HOOK2: variants seen among roughly 807,000 people sequenced by gnomAD.
The protein encoded by HOOK2 is hook microtubule tethering protein 2, also known as protein Hook homolog 2.
In HOOK2, 108 loss-of-function variants were observed where a neutral mutation model predicts 111.9. The ratio of observed to expected loss-of-function variants is 0.96; its 90% confidence interval spans 0.83 to 1.13. The LOEUF (loss-of-function observed/expected upper bound fraction) is 1.13, where lower values mean the gene tolerates loss of function less well. Among genes scored for constraint, HOOK2 ranks in the 50% most tolerant of loss-of-function variants. HOOK2 has a pLI of 0.00. For missense variants in HOOK2, 978 were observed against 951.3 expected (o/e 1.03, Z -0.37); for synonymous variants, 405 against 394.3 (o/e 1.03, Z -0.32).
chr19:12,767,917 G>C lies in HOOK2; in HGVS notation c.1216-14C>G. Reference sequence around the variant, plus strand: ...CGCCAACAGCCGCTGCAGGGACAGGGTACAAGACACTCCACGGGTCAGGCT... The same window carrying C: ...CGCCAACAGCCGCTGCAGGGACAGGCTACAAGACACTCCACGGGTCAGGCT... On this transcript the variant is annotated splice_polypyrimidine_tract_variant and intron_variant, in intron 12 of 22. Coordinates refer to ENST00000397668, the MANE Select transcript of HOOK2 (RefSeq NM_013312.3). The C allele has an allele frequency of 1.2e-6, 2 of 1,611,474 alleles. No homozygotes were observed. Among genetic ancestry groups the C allele is most frequent in the Non-Finnish European group, 1.7e-6 (2 of 1,179,056 alleles).
At position 12,774,854 on chromosome 19, in the gene HOOK2, T is replaced by C; in HGVS notation, c.89A>G (p.Asp30Gly). ...GGCTACGGCAAGGCCGCTGCTCAGG[T>C]CCTGAGGGCTGGCACAGGGAGACGG... ...HVPSPCASPQDLSSGLAVAYV... is the reference protein window; with the variant it reads ...HVPSPCASPQGLSSGLAVAYV... Residue 30 changes from aspartate (D) to glycine (G), a missense_variant, in exon 2 of 23, where the codon GAC becomes GGC. Asp to Gly is a moderately conservative substitution (Grantham distance 94). Around this residue, in one of 5 missense-constraint regions of HOOK2, gnomAD observed 301 missense variants for 286.1 expected, o/e 1.05. Coordinates refer to ENST00000397668, the MANE Select transcript of HOOK2 (RefSeq NM_013312.3). The C allele has an allele frequency of 6.2e-7, 1 of 1,614,202 alleles. No individual in the cohort carries two copies. Among genetic ancestry groups the C allele is most frequent in the Non-Finnish European group, 8.5e-7 (1 of 1,180,016 alleles).
intron 1 of HOOK2, chr19:12,775,181 G>T: frequency 1.0e-6 from 1 of 985,016 alleles, no homozygotes; most frequent in East Asian, 1.1e-4. Flanking sequence ...CTGTGTCCTC[G>T]CCCCACGTGA....
rs775896412 is a variant in HOOK2 at position 12,772,640 on chromosome 19, C to A, written c.429G>T (p.Gln143His). 6 of 1,614,224 alleles carry A rather than the reference C, an allele frequency of 3.7e-6. No individual in the cohort carries two copies. Among genetic ancestry groups the A allele is most frequent in the Non-Finnish European group, 5.1e-6 (6 of 1,180,034 alleles). ...CTTGGATGGCTTCCATCACCACATG[C>A]TGAACCGATTCTTCCAGCGTCATGA... ...QRIMTLEESV[Q>H]HVVMEAIQEL... Residue 143 changes from glutamine (Q) to histidine (H), a missense_variant, in exon 6 of 23, where the codon CAG becomes CAT. Around this residue, in one of 5 missense-constraint regions of HOOK2, gnomAD observed 301 missense variants for 286.1 expected, o/e 1.05. Transcript: ENST00000397668.
chr19:12,765,911 G>C lies in HOOK2; in HGVS notation c.1599+16C>G. 2 of 1,613,476 alleles carry C rather than the reference G, an allele frequency of 1.2e-6. No individual in the cohort carries two copies. The highest frequency in any genetic ancestry group is 1.3e-5 in the African/African-American group (1 of 75,018). On this transcript the variant is annotated intron_variant, in intron 16 of 22. Transcript: ENST00000397668. Reference sequence around the variant, plus strand: ...ACAAGGGAGGGCCAGGCTGGGAGGTGGTGGGTGACACTCACATCTTCAGTC... The same window carrying C: ...ACAAGGGAGGGCCAGGCTGGGAGGTCGTGGGTGACACTCACATCTTCAGTC...
At chr19:12,765,883 G>A (rs1568360880) in intron 16 of HOOK2, 44 bp downstream of exon 16, 2 of 1,612,244 alleles carry the variant, frequency 1.2e-6, no homozygotes, top group Admixed American at 1.7e-5. Flanking sequence ...GTTACTTCGG[G>A]GCACAAGGGA....
chr19:12,784,014 C>A (rs1568379814), intron 3 of HOOK2, among the ~76,000 whole-genome samples: 1 of 151,956 alleles, frequency 6.6e-6, no homozygotes, highest in East Asian at 1.9e-4. Context: ...AGGGCCCCCC[C>A]ACGCTGCAGC....
intron 18 of HOOK2, 139 bp downstream of exon 18, chr19:12,765,551 C>G (rs1367101285): frequency 8.3e-7 from 1 of 1,198,524 alleles, no homozygotes; most frequent in Admixed American, 1.8e-5. Context: ...AGTCCGAGAC[C>G]AGCCTGGCCA....
chr19:12,777,050 G>T (rs769406118), upstream of HOOK2, among the ~76,000 whole-genome samples: 5 of 151,528 alleles, frequency 3.3e-5, no homozygotes, highest in Non-Finnish European at 5.9e-5. Context: ...CCAGCTACTC[G>T]GGAGGTTGAG....
chr19:12,772,605 C>T lies in HOOK2; in HGVS notation c.456+8G>A, dbSNP rs780699531. On this transcript the variant is annotated splice_region_variant and intron_variant, in intron 6 of 22. Coordinates refer to ENST00000397668, the MANE Select transcript of HOOK2 (RefSeq NM_013312.3). ...TTTTCCAATTGCACACTGAGTGCCC[C>T]CACCCACCTCTTGGATGGCTTCCAT... The T allele has an allele frequency of 6.2e-7, 1 of 1,613,812 alleles. No homozygotes were observed. Among genetic ancestry groups the T allele is most frequent in the South Asian group, 1.1e-5 (1 of 91,046 alleles).
chr19:12,777,154 C>CA (rs1041255433), upstream of HOOK2, among the ~76,000 whole-genome samples: 6 of 134,812 alleles, frequency 4.5e-5, no homozygotes, highest in East Asian at 2.2e-4. Flanking sequence ...GAGACTGTCT[C>CA]AAAAAAAATA....
At chr19:12,767,680 A>T in intron 13 of HOOK2, 136 bp downstream of exon 13, 1 of 891,462 alleles carries the variant, frequency 1.1e-6, no homozygotes, top group Middle Eastern at 3.4e-4. Context: ...CTTCAATTTG[A>T]CCGTGTCACC....
chr19:12,775,494 C>A lies in HOOK2; in HGVS notation c.-45G>T. On this transcript the variant is annotated 5_prime_UTR_variant, in exon 1 of 23. Coordinates refer to ENST00000397668, the MANE Select transcript of HOOK2 (RefSeq NM_013312.3). ...TCCAGGCCACGGAGCCCCGGCGCCG[C>A]AGCAGCCTCCGGGTCCGCCACCAGC... 6.3e-7 allele frequency: 1 copy of A among 1,588,640 alleles called. No homozygotes were observed. The highest frequency in any genetic ancestry group is 8.5e-7 in the Non-Finnish European group (1 of 1,170,210).
chr19:12,776,166 C>T (rs1342206548), upstream of HOOK2, among the ~76,000 whole-genome samples: 1 of 151,400 alleles, frequency 6.6e-6, no homozygotes, highest in African/African-American at 2.4e-5. Flanking sequence ...CGTGAGCCAC[C>T]GCGCCCGGCC....
chr19:12,775,291 C>A (rs1042165758), intron 1 of HOOK2, 114 bp downstream of exon 1: 1 of 1,491,812 alleles, frequency 6.7e-7, no homozygotes, highest in Admixed American at 2.3e-5. Context: ...TCCAGCAAGT[C>A]GACGACCCCG....
In HOOK2 at chr19:12,771,385, C is replaced by A. The variant is rs776426492; in HGVS notation, c.600+12G>T. 1 of 1,612,306 alleles carries A rather than the reference C, an allele frequency of 6.2e-7. No individual in the cohort carries two copies. Among genetic ancestry groups the A allele is most frequent in the African/African-American group, 1.3e-5 (1 of 74,912 alleles). ...GGCTACTCAAGTGACCCTGCCCCAC[C>A]TAGGGCCCTACCTGCCGCTCCAGAT... On this transcript the variant is annotated intron_variant, in intron 8 of 22. Transcript: ENST00000397668.
Position 12,767,408 on chromosome 19 carries a change from G to C in HOOK2, c.1360C>G (p.Pro454Ala). 6.2e-7 allele frequency: 1 copy of C among 1,613,810 alleles called. No individual in the cohort carries two copies. The highest frequency in any genetic ancestry group is 8.5e-7 in the Non-Finnish European group (1 of 1,179,756). Residue 454 changes from proline (P) to alanine (A), a missense_variant, in exon 14 of 23, where the codon CCT (proline) becomes GCT (alanine). This residue lies in a region of HOOK2 where 388 missense variants were observed against 358.3 expected (regional missense o/e 1.08). Coordinates refer to ENST00000397668, the MANE Select transcript of HOOK2 (RefSeq NM_013312.3). ...ACCCCAGGATACCTGAGCTCCGCAG[G>C]CAGGATCTCTGCGGCTAAGTTATCC... ...PVDNLAAEIL[P>A]AELRETLLRL...
chr19:12,765,858 G>A, intron 16 of HOOK2, 24 bp from the exon 17 acceptor site: 1 of 1,610,650 alleles, frequency 6.2e-7, no homozygotes, highest in Non-Finnish European at 8.5e-7. Context: ...CGGGCAGCAT[G>A]GGAGAGAGAG....
At chr19:12,775,310 A>T in intron 1 of HOOK2, 95 bp downstream of exon 1, 1 of 1,529,968 alleles carries the variant, frequency 6.5e-7, no homozygotes, top group South Asian at 1.2e-5. Flanking sequence ...CGCACCTCCC[A>T]GCCCCAGCAC....
intron 1 of HOOK2, 197 bp from the exon 2 acceptor site, chr19:12,775,094 A>T (rs1968459128): frequency 1.8e-5 from 15 of 824,150 alleles, no homozygotes; most frequent in Non-Finnish European, 1.9e-5. Flanking sequence ...CTGCCCAACA[A>T]ACCCTGCGCG....
Sources: allele counts gnomAD v4.1 joint callset (sites outside exome capture counted in the v4.1 genomes callset), GRCh38; gene constraint gnomAD v4.1.1; regional missense constraint gnomAD v4.1.1; transcripts MANE v1.5; gene names NCBI Gene and HGNC (gene_info 2026-07-23, HGNC 2026-07-21).